The following LAMA3 variants were observed in gnomAD, a reference collection of about 807,000 sequenced individuals.
LAMA3 encodes laminin subunit alpha-3.
Under a neutral mutation model 402.0 loss-of-function variants are expected in LAMA3, and 281 were observed. The ratio of observed to expected loss-of-function variants is 0.70; its 90% CI spans 0.63 to 0.77. The LOEUF is 0.77. Ranked by LOEUF, LAMA3 falls within the 30% of genes least tolerant of loss-of-function variation. The pLI is 0.00. For synonymous variants in LAMA3, 1,431 were observed against 1,558.4 expected, an observed-to-expected ratio of 0.92 and a Z score of 1.93; for missense variants, 3,840 against 4,215.5, an observed-to-expected ratio of 0.91 and a Z score of 2.47.
rs568565233 is a variant in LAMA3, at chr18:23,812,035, A to G, written c.1742-1022A>G. On this transcript the variant is annotated intron_variant, in intron 13 of 74. Coordinates refer to ENST00000313654, the MANE Select transcript of LAMA3 (RefSeq NM_198129.4). Reference sequence around the variant, plus strand: ...ATTACAGGCATGTGCCACCATGCCTAGCTAATTTTTTGTATTTTTAGTAGA... The same window carrying G: ...ATTACAGGCATGTGCCACCATGCCTGGCTAATTTTTTGTATTTTTAGTAGA... Among the ~76,000 whole-genome samples the G allele has an allele frequency of 2.4e-4, 36 of 151,902 alleles. 1 individual carries two copies. Among genetic ancestry groups the G allele is most frequent in the South Asian group, 4.2e-4 (2 of 4,816 alleles).
At chr18:23,697,942 T>C (rs1345053222) in intron 1 of LAMA3, among the ~76,000 whole-genome samples, 1 of 152,060 alleles carries the variant, frequency 6.6e-6, no homozygotes, top group Admixed American at 6.6e-5. Flanking sequence ...ACCTTCTGCC[T>C]GTGTCTTCAC....
At chr18:23,828,126 C>T (rs1013464260) in intron 23 of LAMA3, among the ~76,000 whole-genome samples, 3 of 152,176 alleles carry the variant, frequency 2.0e-5, no homozygotes, top group African/African-American at 7.2e-5. Flanking sequence ...TGAAAGACTT[C>T]CTCCACTATA....
rs776767127 is a variant in LAMA3 at position 23,815,509 on chromosome 18, T to G, written c.1983T>G (p.Asp661Glu). Residue 661 changes from aspartate to glutamate, a missense_variant, in exon 17 of 75, where the codon GAT (aspartate) becomes GAG (glutamate). Transcript: ENST00000313654. ...ACTGCAAGTCCCATGTGGGTGGCGA[T>G]TCCTGCGACACCTGTGAAGATGGAT... ...DCHCKSHVGG[D>E]SCDTCEDGYF... 6.2e-7 allele frequency: 1 copy of G among 1,614,228 alleles called. No individual in the cohort carries two copies. Among genetic ancestry groups the G allele is most frequent in the Non-Finnish European group, 8.5e-7 (1 of 1,180,034 alleles).
intron 20 of LAMA3, among the ~76,000 whole-genome samples, chr18:23,822,722 T>C (rs926978865): frequency 8.5e-5 from 13 of 152,226 alleles, no homozygotes; most frequent in African/African-American, 3.1e-4. Flanking sequence ...ATTTGAGAGA[T>C]TTTGGCCCGC....
intron 12 of LAMA3, among the ~76,000 whole-genome samples, chr18:23,784,679 G>A (rs543605438): frequency 2.0e-4 from 30 of 152,230 alleles, no homozygotes; most frequent in Non-Finnish European, 3.1e-4. Context: ...GGTCGCTGAA[G>A]GGGGGATGGA....
rs1243056317 is a variant in LAMA3, at chr18:23,954,845, C to T, written c.*197C>T. 102 of 596,934 alleles carry T rather than the reference C, an allele frequency of 1.7e-4. 1 individual carries two copies. The Admixed American group carries it at 2.9e-3, about 17-fold the overall frequency. 37.0% of individuals were successfully genotyped at this position (596,934 alleles called of 1,614,324 possible). On this transcript the variant is annotated 3_prime_UTR_variant, in exon 75 of 75. Transcript: ENST00000313654. ...CTACATGTGTATTTTATATAAAAAT[C>T]CCATTTCTTGAAGATAAAAAAATTG...
At chr18:23,709,944 A>G in intron 1 of LAMA3, 1 of 721,622 alleles carries the variant, frequency 1.4e-6, no homozygotes, top group Non-Finnish European at 2.5e-6. Context: ...AATGTCATAG[A>G]GCTTCTTCAC....
chr18:23,815,085 A>C, intron 15 of LAMA3, 103 bp from the exon 16 acceptor site: 1 of 1,024,356 alleles, frequency 9.8e-7, no homozygotes. Context: ...CTGCGCTGGC[A>C]AGGCCAACTG....
Position 23,758,423 on chromosome 18 carries a change from C to T in LAMA3, c.975C>T (p.Thr325=), listed in dbSNP as rs1226447216. Reference sequence around the variant, plus strand: ...TTCGGTGTGAATGCCAGCACCACACCTGTGGGGAGACGTGTGATCGCTGCT... The same window carrying T: ...TTCGGTGTGAATGCCAGCACCACACTTGTGGGGAGACGTGTGATCGCTGCT... ...KLFRCECQHH[T]CGETCDRCCT... The change falls in exon 7 of 75, where the codon ACC becomes ACT. Residue 325 remains threonine, a synonymous_variant. Coordinates refer to ENST00000313654, the MANE Select transcript of LAMA3 (RefSeq NM_198129.4). The T allele has an allele frequency of 6.2e-7, 1 of 1,614,156 alleles. No homozygotes were observed. Among genetic ancestry groups the T allele is most frequent in the Non-Finnish European group, 8.5e-7 (1 of 1,180,000 alleles).
intron 12 of LAMA3, among the ~76,000 whole-genome samples, chr18:23,792,053 C>T (rs2062668104): frequency 6.6e-6 from 1 of 152,094 alleles, no homozygotes; most frequent in Admixed American, 6.5e-5. Flanking sequence ...ACTTTCGACT[C>T]TCACACTCAA....
chr18:23,694,709 C>T (rs765474766), intron 1 of LAMA3, among the ~76,000 whole-genome samples: 3 of 152,192 alleles, frequency 2.0e-5, no homozygotes, highest in Non-Finnish European at 2.9e-5. Flanking sequence ...CTACTCCTTC[C>T]TCTGAGTTCC....
chr18:23,792,791 C>A (rs966957565), intron 12 of LAMA3, among the ~76,000 whole-genome samples: 1 of 152,088 alleles, frequency 6.6e-6, no homozygotes, highest in African/African-American at 2.4e-5. Context: ...TTCCCACAGC[C>A]AAATATGGGG....
chr18:23,805,777 G>A (rs2144233790), intron 12 of LAMA3, among the ~76,000 whole-genome samples: 1 of 152,314 alleles, frequency 6.6e-6, no homozygotes, highest in East Asian at 1.9e-4. Context: ...TTTTGCCAGT[G>A]TGTAGTCACC....
intron 13 of LAMA3, 105 bp from the exon 14 acceptor site, chr18:23,812,952 T>C (rs1005556817): frequency 1.3e-6 from 1 of 779,232 alleles, no homozygotes; most frequent in Non-Finnish European, 2.2e-6. Flanking sequence ...AAAATATAAA[T>C]GTAGATACAC....
chr18:23,940,652 G>A (rs1323058827), intron 68 of LAMA3, among the ~76,000 whole-genome samples: 1 of 152,188 alleles, frequency 6.6e-6, no homozygotes, highest in Non-Finnish European at 1.5e-5. Context: ...AGCAAGCTGT[G>A]AGCATGCATC....
At chr18:23,697,169 G>A (rs970756497) in intron 1 of LAMA3, among the ~76,000 whole-genome samples, 2 of 152,200 alleles carry the variant, frequency 1.3e-5, no homozygotes, top group African/African-American at 4.8e-5. Context: ...AACTTCCTGT[G>A]CTAAGCATGC....
Position 23,946,174 on chromosome 18 carries a change from C to T in LAMA3, c.9241C>T (p.Arg3081Cys), listed in dbSNP as rs35762515. ...VVFGHDGEKG[R>C]LVVDGLRARE... ...GTTTGGCCATGATGGGGAAAAGGGGCGCTTGGTTGTGGATGGACTGAGGGC... is the reference window on the plus strand; with the variant it reads ...GTTTGGCCATGATGGGGAAAAGGGGTGCTTGGTTGTGGATGGACTGAGGGC... Residue 3081 changes from arginine (R) to cysteine (C), a missense_variant, in exon 70 of 75, where the codon CGC becomes TGC. Transcript: ENST00000313654. The T allele has an allele frequency of 1.4e-4, 228 of 1,613,914 alleles. 1 individual carries two copies. In the African/African-American group the frequency reaches 2.0e-3, roughly 14 times the overall value.
At chr18:23,949,698 G>T in intron 70 of LAMA3, 67 bp from the exon 71 acceptor site, 3 of 1,522,636 alleles carry the variant, frequency 2.0e-6, no homozygotes, top group Non-Finnish European at 2.7e-6. Flanking sequence ...AGTGCCCTTC[G>T]CCTTGGCTAC....
intron 2 of LAMA3, among the ~76,000 whole-genome samples, chr18:23,720,546 G>C (rs1440080527): frequency 1.3e-5 from 2 of 151,938 alleles, no homozygotes; most frequent in Admixed American, 6.6e-5. Context: ...TAGTGTGATG[G>C]GGTTTCACCA....
Sources: gnomAD v4.1 joint callset for allele counts (sites outside exome capture counted in the v4.1 genomes callset) on GRCh38, gnomAD v4.1.1 for gene constraint, MANE v1.5 for transcripts, NCBI Gene and HGNC (gene_info 2026-07-23, HGNC 2026-07-21) for gene names.